SHQ1: variants seen among roughly 807,000 people sequenced by gnomAD.
SHQ1 encodes the protein SHQ1, H/ACA ribonucleoprotein assembly factor.
A neutral mutation model predicts 53.8 loss-of-function variants in SHQ1; 49 were observed. The ratio of observed to expected loss-of-function variants is 0.91; its 90% CI spans 0.72 to 1.16. The LOEUF (loss-of-function observed/expected upper bound fraction) is 1.16. SHQ1 is among the 50% of genes most tolerant of loss of function. The probability of loss-of-function intolerance (pLI) is 0.00; values close to 1 mark genes in which losing one functional copy is unlikely to be tolerated. For synonymous variants in SHQ1, 243 were observed against 251.0 expected, an observed-to-expected ratio of 0.97 and a Z score of 0.30; for missense variants, 738 against 683.1, an observed-to-expected ratio of 1.08 and a Z score of -0.90.
chr3:72,783,214 T>C (rs1187784065), intron 10 of SHQ1, among the ~76,000 whole-genome samples: 1 of 152,146 alleles, frequency 6.6e-6, no homozygotes, highest in South Asian at 2.1e-4. Flanking sequence ...ATATACATAC[T>C]ACTCCCTAGA....
At chr3:72,775,999 G>A (rs1161701287) in intron 10 of SHQ1, among the ~76,000 whole-genome samples, 1 of 152,076 alleles carries the variant, frequency 6.6e-6, no homozygotes, top group Non-Finnish European at 1.5e-5. Flanking sequence ...TATCTATTCG[G>A]GATTGTACTG....
intron 10 of SHQ1, among the ~76,000 whole-genome samples, chr3:72,782,685 T>C (rs751897209): frequency 1.3e-5 from 2 of 152,282 alleles, no homozygotes; most frequent in Middle Eastern, 6.8e-3. Context: ...ATAACAAAGA[T>C]TGGGTTTCAA....
chr3:72,846,561 G>C (rs1023107653), intron 1 of SHQ1, among the ~76,000 whole-genome samples: 1 of 152,122 alleles, frequency 6.6e-6, no homozygotes, highest in Admixed American at 6.5e-5. Context: ...GCATCCCAAA[G>C]TGCTGGGATT....
At chr3:72,762,148 T>C (rs1196873185) in intron 10 of SHQ1, among the ~76,000 whole-genome samples, 1 of 152,070 alleles carries the variant, frequency 6.6e-6, no homozygotes, top group Non-Finnish European at 1.5e-5. Context: ...AGTACACACA[T>C]ACACACACAT....
intron 10 of SHQ1, among the ~76,000 whole-genome samples, chr3:72,787,059 C>T (rs145967113): frequency 6.6e-6 from 1 of 152,160 alleles, no homozygotes; most frequent in African/African-American, 2.4e-5. Context: ...AACTTCAGTG[C>T]TGAAATGACT....
the SHQ1 span, among the ~76,000 whole-genome samples, chr3:72,742,614 T>G: frequency 1.5e-5 from 2 of 134,310 alleles, no homozygotes; most frequent in Non-Finnish European, 3.2e-5. Context: ...TTTTTTTCTT[T>G]TTTTCTTTTT....
At chr3:72,828,167 C>T (rs1467647226) in intron 5 of SHQ1, among the ~76,000 whole-genome samples, 7 of 152,152 alleles carry the variant, frequency 4.6e-5, no homozygotes, top group Non-Finnish European at 1.0e-4. Flanking sequence ...AAGGACTCCA[C>T]AATTTAAGGA....
At chr3:72,842,838 G>A (rs145164739) in intron 2 of SHQ1, among the ~76,000 whole-genome samples, 1 of 152,118 alleles carries the variant, frequency 6.6e-6, no homozygotes, top group African/African-American at 2.4e-5. Flanking sequence ...CACTTCGGGA[G>A]GCCGAGGCAG....
rs987178219 is a variant in SHQ1 at position 72,819,800 on chromosome 3, G to A, written c.728-2416C>T. On this transcript the variant is annotated intron_variant, in intron 6 of 10. Transcript: ENST00000325599. ...AGTGTTGACTGCCTCATTGGAGGAC[G>A]CATCTGAAGTTCCTTAATTTAAATA... Among the ~76,000 whole-genome samples, 8 of 152,154 alleles carry A rather than the reference G, an allele frequency of 5.3e-5. No homozygotes were observed. In the South Asian group the frequency reaches 6.2e-4, roughly 12 times the overall value.
intron 1 of SHQ1, 134 bp from the exon 2 acceptor site, chr3:72,844,557 T>C: frequency 1.3e-6 from 1 of 755,580 alleles, no homozygotes; most frequent in South Asian, 1.5e-5. Context: ...TTCTTTCACA[T>C]TTTAATAAAC....
At chr3:72,831,818 C>T (rs889620791) in intron 5 of SHQ1, among the ~76,000 whole-genome samples, 2 of 152,196 alleles carry the variant, frequency 1.3e-5, no homozygotes, top group African/African-American at 4.8e-5. Context: ...GCCAAAAACA[C>T]AATTAATGCC....
intron 9 of SHQ1, among the ~76,000 whole-genome samples, chr3:72,802,102 G>A (rs187398961): frequency 6.6e-6 from 1 of 152,320 alleles, no homozygotes; most frequent in East Asian, 1.9e-4. Flanking sequence ...GAAATTAAAT[G>A]AGACAACAAA....
chr3:72,725,625 C>G, the SHQ1 span, among the ~76,000 whole-genome samples: 19 of 152,164 alleles, frequency 1.2e-4, no homozygotes, highest in Admixed American at 2.0e-4. Context: ...CAGGTGTACA[C>G]GCACACACTC....
intron 7 of SHQ1, among the ~76,000 whole-genome samples, chr3:72,816,287 C>T (rs1707314362): frequency 6.6e-6 from 1 of 152,068 alleles, no homozygotes; most frequent in South Asian, 2.1e-4. Context: ...CACGCGCACA[C>T]TGAAAGAAGA....
intron 4 of SHQ1, 32 bp downstream of exon 4, chr3:72,841,003 GAAAAACCCTA>G: frequency 6.4e-7 from 1 of 1,556,590 alleles, no homozygotes. Flanking sequence ...TATCCAAATG[GAAAAACCCTA>G]TAGATCAAGA....
chr3:72,803,197 A>G (rs1429927243), intron 9 of SHQ1, among the ~76,000 whole-genome samples: 1 of 152,184 alleles, frequency 6.6e-6, no homozygotes, highest in Non-Finnish European at 1.5e-5. Context: ...ATTTTACATT[A>G]CTTTACTTCT....
In SHQ1 at chr3:72,755,163, C is replaced by G. The variant is rs79120387; in HGVS notation, c.1182-4327G>C. Among the ~76,000 whole-genome samples the G allele has an allele frequency of 8.8e-3, 1,336 of 152,096 alleles. 25 individuals carry two copies. Among genetic ancestry groups the G allele is most frequent in the African/African-American group, 0.031 (1,277 of 41,472 alleles). On this transcript the variant is annotated intron_variant, in intron 10 of 10. Coordinates refer to ENST00000325599, the MANE Select transcript of SHQ1 (RefSeq NM_018130.3). ...AACTCCTGCCTGTAACCAGCTGATG[C>G]GAACTTTTATCCTTCAGGAAAAAGT...
chr3:72,803,178 T>C (rs1559679685), intron 9 of SHQ1, among the ~76,000 whole-genome samples: 1 of 152,212 alleles, frequency 6.6e-6, no homozygotes, highest in Non-Finnish European at 1.5e-5. Context: ...CTATGGCTCT[T>C]ACAGTGTGAT....
intron 10 of SHQ1, among the ~76,000 whole-genome samples, chr3:72,767,543 T>C (rs1207997642): frequency 6.6e-6 from 1 of 152,222 alleles, no homozygotes; most frequent in Admixed American, 6.5e-5. Context: ...TAATCTCATA[T>C]ATTCTATTAT....
Sources: gnomAD v4.1 joint callset for allele counts (sites outside exome capture counted in the v4.1 genomes callset) on GRCh38, gnomAD v4.1.1 for gene constraint, MANE v1.5 for transcripts, NCBI Gene and HGNC (gene_info 2026-07-23, HGNC 2026-07-21) for gene names.